Variants in AP1M1 observed in about 807,000 individuals in gnomAD.
AP1M1 encodes the protein adaptor related protein complex 1 subunit mu 1.
AP1M1 carries 18 observed loss-of-function variants against 57.1 expected under a neutral mutation model. That is an observed-to-expected ratio of 0.32 (90% confidence interval 0.22 to 0.47). AP1M1 has a LOEUF of 0.47. Among genes scored for constraint, AP1M1 ranks in the 20% least tolerant of loss-of-function variants. The probability of loss-of-function intolerance (pLI) is 1.00; values close to 1 mark genes in which losing one functional copy is unlikely to be tolerated. For synonymous variants in AP1M1, 241 were observed against 237.9 expected (o/e 1.01, Z -0.12); for missense variants, 362 against 593.5 (o/e 0.61, Z 4.05).
chr19:16,214,339 G>A (rs533978249), intron 5 of AP1M1, among the ~76,000 whole-genome samples: 1 of 148,786 alleles, frequency 6.7e-6, no homozygotes. Flanking sequence ...TTACAGGCGT[G>A]AGCCACTGCA....
chr19:16,208,817 G>A, intron 4 of AP1M1: 2 of 539,150 alleles, frequency 3.7e-6, no homozygotes, highest in Non-Finnish European at 6.5e-6. Context: ...TGAGTGTATT[G>A]GCTTTTGGAA....
chr19:16,229,154 C>G (rs755853894), intron 9 of AP1M1, among the ~76,000 whole-genome samples: 11 of 152,210 alleles, frequency 7.2e-5, no homozygotes, highest in East Asian at 1.9e-4. Flanking sequence ...GTTTGTGAAC[C>G]AGCCTCTGTC....
At chr19:16,210,366 T>C (rs1173243318) in intron 5 of AP1M1, 4 of 718,282 alleles carry the variant, frequency 5.6e-6, no homozygotes, top group Non-Finnish European at 2.6e-6. Context: ...CTAGGGTAAA[T>C]ACCCAGGAGT....
rs12977841 is a variant in AP1M1, at chr19:16,241,792, C to A, written c.*7357C>A. ...GGCGGATCACCTGAGGTTGGGAGTT[C>A]GAGATCAGCCTGACTAACATGAGAA... On this transcript the variant is annotated 3_prime_UTR_variant, in exon 12 of 12. Coordinates refer to ENST00000291439, the MANE Select transcript of AP1M1 (RefSeq NM_032493.4). 83,250 of 151,404 alleles carry A rather than the reference C, an allele frequency of 0.55. 25,842 individuals carry two copies. The highest frequency in any genetic ancestry group is 0.71 in the Non-Finnish European group (48,195 of 67,906). 9.4% of individuals were successfully genotyped at this position (151,404 alleles called of 1,614,324 possible).
At chr19:16,223,791 C>A (rs147099157) in intron 5 of AP1M1, among the ~76,000 whole-genome samples, 3 of 152,206 alleles carry the variant, frequency 2.0e-5, no homozygotes, top group Non-Finnish European at 2.9e-5. Context: ...TTCAGTCTTC[C>A]GGCAGCTGCC....
intron 5 of AP1M1, 32 bp downstream of exon 5, chr19:16,209,209 G>T (rs1420092702): frequency 6.2e-7 from 1 of 1,607,636 alleles, no homozygotes; most frequent in East Asian, 2.2e-5. Context: ...CTTCTGTAGG[G>T]TTTTATCTCT....
rs977225429 is a variant in AP1M1, at chr19:16,212,665, G to A, written c.546+3488G>A. On this transcript the variant is annotated intron_variant, in intron 5 of 11. Transcript: ENST00000291439. ...CTTTGGAGTTGGAGGCTTTTGCTTC[G>A]TGAGTTCTTTTAGTTGTGATGTTAG... 8.6e-5 allele frequency among the ~76,000 whole-genome samples: 13 copies of A among 152,046 alleles called. No homozygotes were observed. The South Asian group carries it at 2.1e-3, about 24-fold the overall frequency.
chr19:16,233,922 C>A, intron 10 of AP1M1: 1 of 551,358 alleles, frequency 1.8e-6, no homozygotes, highest in Non-Finnish European at 3.2e-6. Flanking sequence ...GGAGAGGCTC[C>A]CAGAGAGCCA....
At chr19:16,229,837 AG>A (rs1414960480) in intron 9 of AP1M1, among the ~76,000 whole-genome samples, 1 of 152,120 alleles carries the variant, frequency 6.6e-6, no homozygotes, top group Admixed American at 6.5e-5. Flanking sequence ...ATTATGTGCA[AG>A]TAGAGCCAGC....
At chr19:16,202,945 A>T in intron 1 of AP1M1, 1 of 157,660 alleles carries the variant, frequency 6.3e-6, no homozygotes, top group East Asian at 1.9e-4. Flanking sequence ...CATTCCTATC[A>T]GCAGTGGACA....
chr19:16,202,651 T>C (rs79220019), intron 1 of AP1M1, among the ~76,000 whole-genome samples: 464 of 152,372 alleles, frequency 3.0e-3, no homozygotes, highest in Middle Eastern at 6.8e-3. Flanking sequence ...TGCGCCTGTG[T>C]ATCGGGAGTC....
intron 1 of AP1M1, among the ~76,000 whole-genome samples, chr19:16,201,763 G>A (rs894483074): frequency 6.6e-6 from 1 of 152,144 alleles, no homozygotes; most frequent in Non-Finnish European, 1.5e-5. Flanking sequence ...GCCAGGTCAG[G>A]GCAAAGGCCC....
intron 9 of AP1M1, among the ~76,000 whole-genome samples, chr19:16,232,725 G>A (rs1430479785): frequency 6.6e-6 from 1 of 152,248 alleles, no homozygotes; most frequent in Admixed American, 6.5e-5. Flanking sequence ...GGCGGCAGTA[G>A]CTCCCACGGA....
At chr19:16,214,476 C>G (rs1452668490) in intron 5 of AP1M1, among the ~76,000 whole-genome samples, 1 of 151,974 alleles carries the variant, frequency 6.6e-6, no homozygotes, top group Admixed American at 6.6e-5. Context: ...CTTAGCCTCC[C>G]GAGTAGCTGG....
intron 5 of AP1M1, among the ~76,000 whole-genome samples, chr19:16,222,211 A>ATTT (rs1185219025): frequency 8.0e-6 from 1 of 125,116 alleles, no homozygotes; most frequent in Non-Finnish European, 1.6e-5. Context: ...TATTATTATT[A>ATTT]TTTTTTTTTT....
chr19:16,226,697 T>C (rs1439934789), intron 6 of AP1M1, 150 bp downstream of exon 6: 6 of 1,013,632 alleles, frequency 5.9e-6, no homozygotes, highest in Admixed American at 5.5e-5. Context: ...GACAGCTGTG[T>C]AGAGTATTCA....
In AP1M1 at chr19:16,206,351, A is replaced by G. The variant is rs1336759146; in HGVS notation, c.210A>G (p.Thr70=). 2 of 1,614,180 alleles carry G rather than the reference A, an allele frequency of 1.2e-6. No homozygotes were observed. The highest frequency in any genetic ancestry group is 2.2e-5 in the South Asian group (2 of 91,080). ...IKHNNLYLVA[T]SKKNACVSLV... The stretch of plus-strand genomic sequence containing the variant: ...GTGGCCGCCATGCAGTGGTTGCCAC[A>G]TCCAAGAAGAACGCGTGCGTGTCGC... The change falls in exon 3 of 12, where the codon ACA becomes ACG. Residue 70 remains threonine, a synonymous_variant. Coordinates refer to ENST00000291439, the MANE Select transcript of AP1M1 (RefSeq NM_032493.4). The surrounding 1 kb of genome is among the most constrained non-coding windows in gnomAD (Gnocchi z 4.3).
At position 16,197,975 on chromosome 19, in the gene AP1M1, T is replaced by TCGCTGCCGCCGCCACCGCCCTCGGG; in HGVS notation, c.-28_-27insGCGCTGCCGCCGCCACCGCCCTCGG. ...GCTCAACGCCCAGCAGTCCCCACCG[T>TCGCTGCCGCCGCCACCGCCCTCGGG]CGCTGCCGCCGCCACCGCCCTCGGC... is the stretch of plus-strand genomic sequence containing the variant. On this transcript the variant is annotated 5_prime_UTR_variant, in exon 1 of 12. Transcript: ENST00000291439. The TCGCTGCCGCCGCCACCGCCCTCGGG allele has an allele frequency of 6.9e-7, 1 of 1,451,820 alleles. No individual in the cohort carries two copies. The highest frequency in any genetic ancestry group is 1.3e-5 in the South Asian group (1 of 77,830). The allele number at this position is 1,451,820 out of a possible 1,614,324, so 89.9% of individuals were successfully genotyped here.
intron 9 of AP1M1, among the ~76,000 whole-genome samples, 160 bp from the exon 10 acceptor site, chr19:16,233,333 C>T (rs749962994): frequency 6.6e-6 from 1 of 152,212 alleles, no homozygotes; most frequent in Non-Finnish European, 1.5e-5. Flanking sequence ...CAGCCTGGGG[C>T]AGCACAGGGC....
Sources: gnomAD v4.1 joint callset for allele counts (sites outside exome capture counted in the v4.1 genomes callset) on GRCh38, gnomAD v4.1.1 for gene constraint, Gnocchi (gnomAD v3.1) non-coding constraint, MANE v1.5 for transcripts, NCBI Gene and HGNC (gene_info 2026-07-23, HGNC 2026-07-21) for gene names.